TMEM74: variants seen among roughly 807,000 people sequenced by gnomAD.
TMEM74 encodes the protein transmembrane protein 74.
Under a neutral mutation model 18.1 loss-of-function variants are expected in TMEM74, and 13 were observed. That is an observed-to-expected ratio of 0.72 (90% CI 0.47 to 1.14). TMEM74 has a LOEUF of 1.14. Ranked by LOEUF, TMEM74 falls within the 50% of genes most tolerant of loss-of-function variation. The pLI is 0.00. For synonymous variants in TMEM74, 159 were observed against 146.6 expected, an observed-to-expected ratio of 1.08 and a Z score of -0.61; for missense variants, 372 against 375.9, an observed-to-expected ratio of 0.99 and a Z score of 0.09.
At chr8:108,745,385 C>G (rs1389364020) in intron 1 of TMEM74, among the ~76,000 whole-genome samples, 1 of 152,160 alleles carries the variant, frequency 6.6e-6, no homozygotes, top group Non-Finnish European at 1.5e-5. Flanking sequence ...TAAAACTTTA[C>G]TTATGAACAC....
At chr8:108,681,644 A>T (rs1461366365) in intron 1 of TMEM74, among the ~76,000 whole-genome samples, 1 of 152,160 alleles carries the variant, frequency 6.6e-6, no homozygotes, top group Admixed American at 6.6e-5. Context: ...ACTTCAACAT[A>T]TGAATTCTGG....
At chr8:108,748,469 G>A (rs1040373869) in intron 1 of TMEM74, among the ~76,000 whole-genome samples, 4 of 151,690 alleles carry the variant, frequency 2.6e-5, no homozygotes, top group African/African-American at 7.3e-5. Flanking sequence ...GATATTAGAC[G>A]TTTGTCACAT....
chr8:108,731,142 T>C (rs1326090613), intron 1 of TMEM74, among the ~76,000 whole-genome samples: 1 of 152,144 alleles, frequency 6.6e-6, no homozygotes, highest in African/African-American at 2.4e-5. Context: ...TTAGAATTTA[T>C]ATGTTAACCC....
At chr8:108,720,708 G>GC (rs1199771028) in intron 1 of TMEM74, among the ~76,000 whole-genome samples, 3 of 151,882 alleles carry the variant, frequency 2.0e-5, no homozygotes, top group Admixed American at 6.6e-5. Flanking sequence ...GAGGAATACT[G>GC]CCCCCAAATT....
chr8:108,679,934 C>A (rs1008655614), intron 1 of TMEM74, among the ~76,000 whole-genome samples: 1 of 152,126 alleles, frequency 6.6e-6, no homozygotes, highest in Non-Finnish European at 1.5e-5. Flanking sequence ...ACTAGAAAAT[C>A]TAGAAGAAAT....
chr8:108,689,468 A>G (rs1813203718), intron 1 of TMEM74, among the ~76,000 whole-genome samples: 1 of 152,210 alleles, frequency 6.6e-6, no homozygotes, highest in Non-Finnish European at 1.5e-5. Context: ...TTTACAAAGC[A>G]AAACAGATAT....
chr8:108,651,463 A>G (rs538040097), intron 2 of TMEM74, among the ~76,000 whole-genome samples: 1 of 152,274 alleles, frequency 6.6e-6, no homozygotes. Context: ...TTTCCAGTTT[A>G]GGCTATTTTT....
At chr8:108,616,348 A>G (rs1010781196) in intron 2 of TMEM74, among the ~76,000 whole-genome samples, 6 of 152,208 alleles carry the variant, frequency 3.9e-5, no homozygotes, top group Admixed American at 6.5e-5. Context: ...ACTTTATTCC[A>G]TAAGATGACA....
At chr8:108,613,410 A>T (rs1056625158) in intron 2 of TMEM74, among the ~76,000 whole-genome samples, 3 of 152,214 alleles carry the variant, frequency 2.0e-5, no homozygotes, top group East Asian at 1.9e-4. Context: ...CTCTTAGAAG[A>T]TCAGGAATAT....
intron 2 of TMEM74, among the ~76,000 whole-genome samples, chr8:108,643,055 T>A (rs1028249838): frequency 6.6e-6 from 1 of 152,144 alleles, no homozygotes; most frequent in African/African-American, 2.4e-5. Context: ...TGTAAAAGAC[T>A]GGCATGGCTC....
chr8:108,756,650 GAGAAAGAAAGAAAGAAAGAA>G (rs71305914), intron 1 of TMEM74, among the ~76,000 whole-genome samples: 3 of 27,082 alleles, frequency 1.1e-4, no homozygotes, highest in African/African-American at 3.0e-4. Context: ...AAGAAAGAAA[GAGAAAGAAAGAAAGAAAGAA>G]AGAAAGAAAG....
intron 1 of TMEM74, among the ~76,000 whole-genome samples, chr8:108,752,271 A>G (rs959108024): frequency 2.6e-5 from 4 of 152,038 alleles, no homozygotes; most frequent in Non-Finnish European, 4.4e-5. Context: ...TGCTTTTCTC[A>G]TCTCTAAGAT....
chr8:108,635,159 G>C (rs897076681), intron 2 of TMEM74, among the ~76,000 whole-genome samples: 1 of 151,684 alleles, frequency 6.6e-6, no homozygotes, highest in Non-Finnish European at 1.5e-5. Context: ...GTAACCCTTG[G>C]CTCCTCCCTC....
At chr8:108,758,661 C>T (rs995679836) in intron 1 of TMEM74, among the ~76,000 whole-genome samples, 3 of 151,882 alleles carry the variant, frequency 2.0e-5, no homozygotes, top group African/African-American at 7.2e-5. Flanking sequence ...ATTTAGCAAA[C>T]CTGAAGATAC....
In TMEM74 at chr8:108,729,007, C is replaced by T. The variant is rs182640505; in HGVS notation, n.119+58469G>A. On this transcript the variant is annotated intron_variant and non_coding_transcript_variant, in intron 1 of 3. Transcript: ENST00000518838. The stretch of plus-strand genomic sequence containing the variant: ...TCATTGTATTAACTTTCTCTTGCTG[C>T]TATATCAAATTACTAAAATTTTAGC... Among the ~76,000 whole-genome samples, 3 of 152,252 alleles carry T rather than the reference C, an allele frequency of 2.0e-5. No individual in the cohort carries two copies. In the East Asian group the frequency reaches 5.8e-4, roughly 29 times the overall value.
chr8:108,613,321 A>G (rs1812352985), intron 2 of TMEM74, among the ~76,000 whole-genome samples: 1 of 152,156 alleles, frequency 6.6e-6, no homozygotes, highest in Non-Finnish European at 1.5e-5. Context: ...CCCCCAAGCC[A>G]CTCACCCTGC....
At chr8:108,750,790 A>C (rs1008696115) in intron 1 of TMEM74, among the ~76,000 whole-genome samples, 1 of 152,088 alleles carries the variant, frequency 6.6e-6, no homozygotes, top group Non-Finnish European at 1.5e-5. Flanking sequence ...GCCCTCCCTA[A>C]GGGGAGAATC....
intron 1 of TMEM74, among the ~76,000 whole-genome samples, chr8:108,691,325 TG>T (rs1434966693): frequency 6.6e-6 from 1 of 152,116 alleles, no homozygotes; most frequent in Non-Finnish European, 1.5e-5. Context: ...ACCGGGAGCT[TG>T]TGAAAGAAAA....
At chr8:108,762,832 G>A (rs1202610745) in intron 1 of TMEM74, among the ~76,000 whole-genome samples, 3 of 152,052 alleles carry the variant, frequency 2.0e-5, no homozygotes, top group Non-Finnish European at 4.4e-5. Flanking sequence ...CTTGAGACCA[G>A]AAGTTTGAGG....
Sources: allele counts gnomAD v4.1 joint callset (sites outside exome capture counted in the v4.1 genomes callset), GRCh38; gene constraint gnomAD v4.1.1; transcripts MANE v1.5; gene names NCBI Gene and HGNC (gene_info 2026-07-23, HGNC 2026-07-21).